Variants in PALLD observed in about 807,000 individuals in gnomAD.
PALLD encodes palladin, cytoskeletal associated protein, also known as palladin.
In PALLD, 61 loss-of-function variants were observed where a neutral mutation model predicts 123.5. The observed-to-expected ratio is 0.49, with a 90% CI of 0.40 to 0.61. PALLD has a LOEUF of 0.61. Ranked by LOEUF, PALLD falls within the 20% of genes least tolerant of loss-of-function variation. The probability of loss-of-function intolerance (pLI) is 0.00; values close to 1 mark genes in which losing one functional copy is unlikely to be tolerated. For missense variants in PALLD, 1,273 were observed against 1,377.0 expected (o/e 0.92, Z 1.20); for synonymous variants, 465 against 496.4 (o/e 0.94, Z 0.84).
At chr4:168,816,414 T>TATATATATATATATATATA (rs1554088402) in intron 10 of PALLD, among the ~76,000 whole-genome samples, 1 of 123,794 alleles carries the variant, frequency 8.1e-6, no homozygotes, top group African/African-American at 3.5e-5. Flanking sequence ...TATATATATA[T>TATATATATATATATATATA]TTTTTTTAAG....
At chr4:168,675,880 C>A (rs760664481) in intron 3 of PALLD, among the ~76,000 whole-genome samples, 6 of 151,584 alleles carry the variant, frequency 4.0e-5, no homozygotes, top group Non-Finnish European at 7.4e-5. Context: ...CATAGTGAGA[C>A]CCCCATCTCT....
chr4:168,679,465 CGTGTGTGGGGGGGTGTG>C (rs1186409122), intron 3 of PALLD, among the ~76,000 whole-genome samples: 1 of 32,834 alleles, frequency 3.0e-5, no homozygotes. Flanking sequence ...TGAGTATGGA[CGTGTGTGGGGGGGTGTG>C]GTGTGTGGTG....
intron 1 of PALLD, among the ~76,000 whole-genome samples, chr4:168,509,707 G>T (rs548327932): frequency 6.6e-6 from 1 of 152,194 alleles, no homozygotes; most frequent in South Asian, 2.1e-4. Context: ...GGGCTAGCAT[G>T]TGGTGAATCT....
At position 168,926,477 on chromosome 4, in the gene PALLD, C is replaced by CCTTTGACTATA. The variant is rs1263373428; in HGVS notation, c.*298_*308dup. The CCTTTGACTATA allele has an allele frequency of 6.1e-6, 5 of 825,468 alleles. No individual in the cohort carries two copies. Among genetic ancestry groups the CCTTTGACTATA allele is most frequent in the Non-Finnish European group, 9.0e-6 (5 of 556,358 alleles). 51.1% of individuals were successfully genotyped at this position (825,468 alleles called of 1,614,324 possible). On this transcript the variant is annotated 3_prime_UTR_variant, in exon 22 of 22. Coordinates refer to ENST00000505667, the MANE Select transcript of PALLD (RefSeq NM_001166108.2). ...ACATTATGTAAAAGGCAGAAACATACCTTTGACTATAAGAAATTAAAAAAA... is the reference window on the plus strand; with the variant it reads ...ACATTATGTAAAAGGCAGAAACATACCTTTGACTATACTTTGACTATAAGAAATTAAAAAAA...
intron 2 of PALLD, among the ~76,000 whole-genome samples, chr4:168,640,679 A>G (rs953613817): frequency 2.6e-5 from 4 of 152,218 alleles, no homozygotes; most frequent in African/African-American, 9.6e-5. Context: ...AATTATGAAT[A>G]TTTGCACTTA....
At position 168,622,743 on chromosome 4, in the gene PALLD, C is replaced by T. The variant is rs140915487; in HGVS notation, c.909-45447C>T. ...CTGAATATCGATAACAATCTCCTGA[C>T]AGATCATACTTCCGGTGCCTAAGTT... On this transcript the variant is annotated intron_variant, in intron 2 of 21. Transcript: ENST00000505667. Among the ~76,000 whole-genome samples the T allele has an allele frequency of 3.0e-3, 462 of 152,322 alleles. 2 individuals are homozygous for T. The highest frequency in any genetic ancestry group is 0.01 in the African/African-American group (432 of 41,568).
At chr4:168,556,851 C>T (rs779670673) in intron 2 of PALLD, among the ~76,000 whole-genome samples, 7 of 149,334 alleles carry the variant, frequency 4.7e-5, no homozygotes, top group African/African-American at 7.4e-5. Flanking sequence ...TCCATACTCT[C>T]GTGACTAAGG....
At chr4:168,735,476 T>C (rs1356955113) in intron 10 of PALLD, among the ~76,000 whole-genome samples, 2 of 152,238 alleles carry the variant, frequency 1.3e-5, no homozygotes, top group Non-Finnish European at 2.9e-5. Flanking sequence ...AACACATTCT[T>C]ATGCTCTCTG....
intron 9 of PALLD, among the ~76,000 whole-genome samples, chr4:168,711,285 C>A (rs1400941943): frequency 6.6e-6 from 1 of 152,108 alleles, no homozygotes; most frequent in African/African-American, 2.4e-5. Context: ...TGTGTTGTCA[C>A]TTTTTTTGCC....
rs552255563 is a variant in PALLD at position 168,754,526 on chromosome 4, A to C, written c.1964+42603A>C. Among the ~76,000 whole-genome samples, 6 of 152,324 alleles carry C rather than the reference A, an allele frequency of 3.9e-5. No homozygotes were observed. The South Asian group carries it at 1.0e-3, about 26-fold the overall frequency. On this transcript the variant is annotated intron_variant, in intron 10 of 21. Transcript: ENST00000505667. Reference sequence around the variant, plus strand: ...AATATTACTTTTCAAATACTGTTACATTATGCTGACTATTATTTTCCATTC... The same window carrying C: ...AATATTACTTTTCAAATACTGTTACCTTATGCTGACTATTATTTTCCATTC...
chr4:168,797,102 C>T (rs967414165), intron 10 of PALLD, among the ~76,000 whole-genome samples: 1 of 152,128 alleles, frequency 6.6e-6, no homozygotes, highest in Non-Finnish European at 1.5e-5. Flanking sequence ...TGTCAGGTCA[C>T]TTATGATTTT....
chr4:168,749,019 C>G (rs1730680864), intron 10 of PALLD, among the ~76,000 whole-genome samples: 1 of 152,084 alleles, frequency 6.6e-6, no homozygotes. Context: ...AAATGTAATC[C>G]CCAGTGTTGG....
chr4:168,626,289 C>G (rs1249986460), intron 2 of PALLD, among the ~76,000 whole-genome samples: 1 of 151,540 alleles, frequency 6.6e-6, no homozygotes, highest in Non-Finnish European at 1.5e-5. Flanking sequence ...GTAGTCCCAG[C>G]TACTCGGGAG....
chr4:168,505,167 G>T, intron 1 of PALLD, among the ~76,000 whole-genome samples: 1 of 152,164 alleles, frequency 6.6e-6, no homozygotes, highest in Non-Finnish European at 1.5e-5. Context: ...TAGACCACGT[G>T]CATGTTCCCG....
chr4:168,672,358 A>G lies in PALLD; in HGVS notation c.1087+3990A>G, dbSNP rs1287353358. Among the ~76,000 whole-genome samples, 3 of 152,106 alleles carry G rather than the reference A, an allele frequency of 2.0e-5. No homozygotes were observed. In the East Asian group the frequency reaches 5.8e-4, roughly 29 times the overall value. ...TAGAACGTATTCCTCTTACACTTTT[A>G]GCTGTAATTTTGTATCCTTTGACAG... On this transcript the variant is annotated intron_variant, in intron 3 of 21. Coordinates refer to ENST00000505667, the MANE Select transcript of PALLD (RefSeq NM_001166108.2).
At chr4:168,663,639 C>T (rs189125060) in intron 2 of PALLD, among the ~76,000 whole-genome samples, 3 of 152,286 alleles carry the variant, frequency 2.0e-5, no homozygotes, top group Non-Finnish European at 4.4e-5. Context: ...CCTGCAGGGT[C>T]AGCAATGTCC....
chr4:168,544,833 A>C (rs973433615), intron 2 of PALLD, among the ~76,000 whole-genome samples: 2 of 152,202 alleles, frequency 1.3e-5, no homozygotes, highest in African/African-American at 2.4e-5. Flanking sequence ...TGTTTCTCCC[A>C]GCTAACCTTG....
Position 168,511,991 on chromosome 4 carries a change from G to A in PALLD, c.487G>A (p.Gly163Ser). Residue 163 changes from glycine to serine, a missense_variant, in exon 2 of 22, where the codon GGC becomes AGC. Transcript: ENST00000505667. ...CAAAACGCCACATCAAAGAAAGGGTGGCCCCCAGAGCCAGCTGTGTGACAA... is the reference window on the plus strand; with the variant it reads ...CAAAACGCCACATCAAAGAAAGGGTAGCCCCCAGAGCCAGCTGTGTGACAA... ...KPKTPHQRKG[G>S]PQSQLCDKAA... is the part of the protein sequence containing the mutation. The A allele has an allele frequency of 6.2e-7, 1 of 1,614,190 alleles. No individual in the cohort carries two copies. The highest frequency in any genetic ancestry group is 8.5e-7 in the Non-Finnish European group (1 of 1,180,036).
At chr4:168,794,463 G>T (rs530438816) in intron 10 of PALLD, among the ~76,000 whole-genome samples, 5 of 148,992 alleles carry the variant, frequency 3.4e-5, no homozygotes, top group Non-Finnish European at 5.9e-5. Flanking sequence ...GCAGCGCACA[G>T]ACGTACGTGC....
Sources: allele counts gnomAD v4.1 joint callset (sites outside exome capture counted in the v4.1 genomes callset), GRCh38; gene constraint gnomAD v4.1.1; transcripts MANE v1.5; gene names NCBI Gene and HGNC (gene_info 2026-07-23, HGNC 2026-07-21).